The following DECR1 variants were observed in gnomAD, a reference collection of about 807,000 sequenced individuals.
DECR1 encodes the protein 2,4-dienoyl-CoA reductase [(3E)-enoyl-CoA-producing], mitochondrial.
DECR1 carries 44 observed loss-of-function variants against 38.8 expected under a neutral mutation model. The ratio of observed to expected loss-of-function variants is 1.13; its 90% confidence interval spans 0.89 to 1.46. DECR1 has a LOEUF of 1.46. DECR1 is among the 40% of genes most tolerant of loss of function. DECR1 has a pLI of 0.00. For synonymous variants in DECR1, 148 were observed against 135.2 expected (o/e 1.09, Z -0.66); for missense variants, 428 against 405.5 (o/e 1.06, Z -0.48).
chr8:90,011,525 T>C (rs1050975061), intron 1 of DECR1, among the ~76,000 whole-genome samples: 8 of 152,204 alleles, frequency 5.3e-5, no homozygotes, highest in African/African-American at 1.9e-4. Context: ...GTTGAATCTG[T>C]ATATCAATTT....
intron 7 of DECR1, 38 bp from the exon 8 acceptor site, chr8:90,044,811 A>T: frequency 6.4e-7 from 1 of 1,572,754 alleles, no homozygotes; most frequent in East Asian, 2.3e-5. Context: ...ATTGATTGAA[A>T]AACCCGACAC....
chr8:90,012,850 T>C (rs992343185), intron 1 of DECR1, among the ~76,000 whole-genome samples: 1 of 152,214 alleles, frequency 6.6e-6, no homozygotes, highest in African/African-American at 2.4e-5. Flanking sequence ...ATATTGACAA[T>C]GTTGTCTGGT....
In DECR1 at chr8:90,044,920, C is replaced by T. The variant is rs1228733515; in HGVS notation, c.810C>T (p.Arg270=). The part of the protein sequence containing the change: ...KEMIGRIPCG[R]LGTVEELANL... ...TGATTGGCAGAATTCCCTGTGGTCG[C>T]CTGGGGACTGTAGAAGAACTCGCAA... Residue 270 remains arginine, a synonymous_variant, in exon 8 of 10, where the codon CGC becomes CGT. Transcript: ENST00000220764. 1.9e-6 allele frequency: 3 copies of T among 1,613,468 alleles called. No individual in the cohort carries two copies. The highest frequency in any genetic ancestry group is 1.7e-6 in the Non-Finnish European group (2 of 1,179,640).
intron 8 of DECR1, among the ~76,000 whole-genome samples, chr8:90,047,370 C>G (rs1395684725): frequency 6.6e-6 from 1 of 152,026 alleles, no homozygotes; most frequent in Non-Finnish European, 1.5e-5. Context: ...AAAAAAAAAG[C>G]AGGGGTTGCA....
rs148692907 is a variant in DECR1, at chr8:90,049,253, T to C, written c.886-2424T>C. Among the ~76,000 whole-genome samples, 372 of 152,348 alleles carry C rather than the reference T, an allele frequency of 2.4e-3. 3 individuals are homozygous for C. The highest frequency in any genetic ancestry group is 7.8e-3 in the African/African-American group (323 of 41,584). On this transcript the variant is annotated intron_variant, in intron 8 of 9. Coordinates refer to ENST00000220764, the MANE Select transcript of DECR1 (RefSeq NM_001359.2). ...AAGTCAAATTGTACCTGTTTGCAGA[T>C]GACATGATTGTATATTTAGAAAACC...
At chr8:90,024,462 T>C (rs925632909) in intron 5 of DECR1, among the ~76,000 whole-genome samples, 3 of 152,232 alleles carry the variant, frequency 2.0e-5, no homozygotes, top group East Asian at 1.9e-4. Context: ...ATTTCTCTGA[T>C]GGCCAGTGAT....
intron 5 of DECR1, chr8:90,030,415 C>T (rs887366678): frequency 6.6e-6 from 1 of 152,254 alleles, no homozygotes; most frequent in Admixed American, 6.6e-5. Context: ...TACTTCTGCC[C>T]TACCTGCAAA....
intron 8 of DECR1, among the ~76,000 whole-genome samples, chr8:90,050,768 C>T (rs951797480): frequency 6.6e-6 from 1 of 152,114 alleles, no homozygotes; most frequent in African/African-American, 2.4e-5. Context: ...AGACTTGGAA[C>T]CAACCCAGAT....
At chr8:90,041,967 A>G (rs1287057924) in intron 6 of DECR1, among the ~76,000 whole-genome samples, 2 of 152,146 alleles carry the variant, frequency 1.3e-5, no homozygotes, top group African/African-American at 4.8e-5. Context: ...TATACACACA[A>G]ATATACATAT....
Position 90,052,146 on chromosome 8 carries a change from T to C in DECR1, c.*249T>C, listed in dbSNP as rs563360153. ...GTAGGTAAAGGCTCCTCTTTACCTA[T>C]TGATAGAGGTAAAAAGTACTTAGAA... On this transcript the variant is annotated 3_prime_UTR_variant, in exon 10 of 10. Coordinates refer to ENST00000220764, the MANE Select transcript of DECR1 (RefSeq NM_001359.2). The C allele has an allele frequency of 5.8e-5, 25 of 433,296 alleles. No individual in the cohort carries two copies. The highest frequency in any genetic ancestry group is 4.8e-4 in the African/African-American group (23 of 48,394). 26.8% of individuals were successfully genotyped at this position (433,296 alleles called of 1,614,324 possible).
intron 5 of DECR1, among the ~76,000 whole-genome samples, chr8:90,030,218 T>C (rs1813462990): frequency 6.6e-6 from 1 of 152,160 alleles, no homozygotes; most frequent in South Asian, 2.1e-4. Context: ...TAATGCTGGC[T>C]CACCTACTGC....
In DECR1 at chr8:90,036,821, G is replaced by T. The variant is rs375581798; in HGVS notation, c.566-20G>T. ...GATACATCTATATTGCTAATCAACT[G>T]TATCCTTTTAAAATTTCAGGAGCAG... On this transcript the variant is annotated intron_variant, in intron 5 of 9. Coordinates refer to ENST00000220764, the MANE Select transcript of DECR1 (RefSeq NM_001359.2). 32 of 1,534,996 alleles carry T rather than the reference G, an allele frequency of 2.1e-5. No homozygotes were observed. Among genetic ancestry groups the T allele is most frequent in the Non-Finnish European group, 2.9e-5 (32 of 1,110,560 alleles).
intron 5 of DECR1, among the ~76,000 whole-genome samples, chr8:90,036,054 T>C (rs1813610091): frequency 6.6e-6 from 1 of 152,110 alleles, no homozygotes; most frequent in Non-Finnish European, 1.5e-5. Context: ...CTAGTAGTTG[T>C]TCTTTGCCTG....
intron 1 of DECR1, chr8:90,006,084 A>T (rs1812731936): frequency 1.6e-6 from 1 of 643,766 alleles, no homozygotes; most frequent in African/African-American, 1.8e-5. Context: ...ACCATAACCC[A>T]GGCACCTCCC....
intron 5 of DECR1, among the ~76,000 whole-genome samples, chr8:90,023,310 T>G (rs1324353827): frequency 6.6e-6 from 1 of 152,226 alleles, no homozygotes; most frequent in African/African-American, 2.4e-5. Context: ...CTTGTAGTAT[T>G]TAGAAATACA....
rs919445632 is a variant in DECR1, at chr8:90,041,587, T to G, written c.666-1141T>G. Among the ~76,000 whole-genome samples, 4 of 152,226 alleles carry G rather than the reference T, an allele frequency of 2.6e-5. 1 individual carries two copies. In the South Asian group the frequency reaches 8.3e-4, roughly 31 times the overall value. On this transcript the variant is annotated intron_variant, in intron 6 of 9. Coordinates refer to ENST00000220764, the MANE Select transcript of DECR1 (RefSeq NM_001359.2). ...CTGTACAATTTTCCTTTTGTAAGTC[T>G]AGAAAGACTTAAAGCATTTTTCGTA... is the stretch of plus-strand genomic sequence containing the variant.
chr8:90,029,757 A>G (rs775008697), intron 5 of DECR1, among the ~76,000 whole-genome samples: 28 of 152,130 alleles, frequency 1.8e-4, no homozygotes, highest in Non-Finnish European at 3.8e-4. Flanking sequence ...ACCCATAGAC[A>G]TTGTACTTGG....
At chr8:90,002,312 C>A (rs1189952077) in intron 1 of DECR1, among the ~76,000 whole-genome samples, 1 of 151,990 alleles carries the variant, frequency 6.6e-6, no homozygotes, top group Non-Finnish European at 1.5e-5. Flanking sequence ...AAAAATGAAA[C>A]AAAAACAAAA....
intron 5 of DECR1, among the ~76,000 whole-genome samples, chr8:90,025,821 C>T (rs1813320145): frequency 6.6e-6 from 1 of 152,126 alleles, no homozygotes; most frequent in Non-Finnish European, 1.5e-5. Flanking sequence ...AGAATCCTTC[C>T]AGTTTTTGCC....
Sources: allele counts gnomAD v4.1 joint callset (sites outside exome capture counted in the v4.1 genomes callset), GRCh38; gene constraint gnomAD v4.1.1; transcripts MANE v1.5; gene names NCBI Gene and HGNC (gene_info 2026-07-23, HGNC 2026-07-21).